Variants in PRH1 observed in about 807,000 individuals in gnomAD.
PRH1 encodes salivary acidic proline-rich phosphoprotein 1/2.
Under a neutral mutation model 7.9 loss-of-function variants are expected in PRH1, and 7 were observed. That is an observed-to-expected ratio of 0.89 (90% CI 0.50 to 1.67). The LOEUF is 1.67. Among genes scored for constraint, PRH1 ranks in the 40% most tolerant of loss-of-function variants. The pLI, the probability that PRH1 is intolerant of heterozygous loss-of-function variation, is 0.00. For synonymous variants in PRH1, 45 were observed against 80.8 expected, an observed-to-expected ratio of 0.56 and a Z score of 2.38; for missense variants, 109 against 223.6, an observed-to-expected ratio of 0.49 and a Z score of 3.27.
chr12:10,965,306 G>A, intron 2 of PRH1: 2 of 1,348,874 alleles, frequency 1.5e-6, no homozygotes, highest in Non-Finnish European at 2.0e-6. Flanking sequence ...AAGAACAAAT[G>A]TAACCACTAC....
intron 1 of PRH1, among the ~76,000 whole-genome samples, chr12:11,035,449 A>T (rs1942396811): frequency 6.6e-6 from 1 of 151,906 alleles, no homozygotes; most frequent in African/African-American, 2.4e-5. Context: ...AAAATTGATT[A>T]CTCTTTTTGT....
chr12:11,033,406 A>AAAACAAAACAAAAC (rs1565575869), intron 1 of PRH1, among the ~76,000 whole-genome samples: 19 of 145,676 alleles, frequency 1.3e-4, no homozygotes, highest in African/African-American at 5.0e-4. Context: ...CAAAACAAAA[A>AAAACAAAACAAAAC]ACCAACATCA....
chr12:10,921,885 G>A (rs1403595829), intron 2 of PRH1, among the ~76,000 whole-genome samples: 2 of 152,060 alleles, frequency 1.3e-5, no homozygotes, highest in African/African-American at 4.8e-5. Flanking sequence ...TTCCACCTCA[G>A]CCTCCCTAGT....
chr12:11,133,052 T>C (rs1592079369), intron 1 of PRH1: 2 of 451,980 alleles, frequency 4.4e-6, no homozygotes, highest in Non-Finnish European at 7.4e-6. Flanking sequence ...TCATATTTTC[T>C]ATAATTTGGC....
At chr12:11,041,927 A>T (rs541947142) in intron 1 of PRH1, among the ~76,000 whole-genome samples, 1 of 152,322 alleles carries the variant, frequency 6.6e-6, no homozygotes, top group East Asian at 1.9e-4. Context: ...TGCTAGAAAC[A>T]AATGATAGTG....
At chr12:11,141,265 A>C (rs1946694916) in intron 1 of PRH1, among the ~76,000 whole-genome samples, 1 of 152,278 alleles carries the variant, frequency 6.6e-6, no homozygotes, top group East Asian at 1.9e-4. Flanking sequence ...TTAATACTTA[A>C]ATATTTATTG....
intron 1 of PRH1, chr12:11,158,635 A>C (rs755452541): frequency 4.6e-5 from 7 of 152,226 alleles, no homozygotes; most frequent in Non-Finnish European, 1.0e-4. Context: ...AAATATGGTT[A>C]GTGAATATTT....
intron 1 of PRH1, among the ~76,000 whole-genome samples, chr12:11,157,396 G>A (rs1285471051): frequency 6.6e-6 from 1 of 152,092 alleles, no homozygotes; most frequent in Non-Finnish European, 1.5e-5. Context: ...TTAGACATGG[G>A]GCTTTGTGCC....
At chr12:11,016,560 G>T (rs143524431) in intron 1 of PRH1, among the ~76,000 whole-genome samples, 24 of 151,900 alleles carry the variant, frequency 1.6e-4, no homozygotes, top group Non-Finnish European at 3.5e-4. Context: ...AAGGTGGTCT[G>T]CAACTCTGGG....
At chr12:11,168,299 A>AG (rs1160833056) in intron 1 of PRH1, among the ~76,000 whole-genome samples, 2 of 5,890 alleles carry the variant, frequency 3.4e-4, no homozygotes, top group African/African-American at 1.0e-3. Context: ...AAAGAAAGAA[A>AG]GAAGGAAGGA....
intron 2 of PRH1, among the ~76,000 whole-genome samples, chr12:10,935,646 A>C (rs1172811185): frequency 1.3e-5 from 2 of 152,166 alleles, no homozygotes; most frequent in African/African-American, 4.8e-5. Context: ...ACCTCTGCTG[A>C]GCAACATCTG....
At chr12:11,070,910 C>T (rs1273660428) in intron 1 of PRH1, among the ~76,000 whole-genome samples, 1 of 152,134 alleles carries the variant, frequency 6.6e-6, no homozygotes, top group Non-Finnish European at 1.5e-5. Context: ...GATCATTACT[C>T]ACTACAGCCT....
At chr12:11,036,207 T>TAAACAGCATAAATTTAATTAAAC (rs528546942) in intron 1 of PRH1, among the ~76,000 whole-genome samples, 435 of 152,326 alleles carry the variant, frequency 2.9e-3, no homozygotes, top group Non-Finnish European at 3.8e-3. Flanking sequence ...CTGTTTTAAT[T>TAAACAGCATAAATTTAATTAAAC]AGCAGAAATC....
intron 1 of PRH1, among the ~76,000 whole-genome samples, chr12:11,076,079 A>AATATATATAT (rs139636107): frequency 1.8e-5 from 2 of 108,794 alleles, no homozygotes; most frequent in Admixed American, 9.4e-5. Context: ...ATGTGGATGT[A>AATATATATAT]ATATATATAT....
chr12:10,888,151 C>T (rs1436880142), upstream of PRH1, among the ~76,000 whole-genome samples: 1 of 152,142 alleles, frequency 6.6e-6, no homozygotes, highest in African/African-American at 2.4e-5. Context: ...CATCACGTCG[C>T]CCTTGCACTG....
At chr12:11,057,763 G>A (rs1483981416) in intron 1 of PRH1, among the ~76,000 whole-genome samples, 1 of 152,210 alleles carries the variant, frequency 6.6e-6, no homozygotes, top group Non-Finnish European at 1.5e-5. Context: ...CATAGCTTCT[G>A]GCACTTTTTA....
At chr12:11,124,049 A>C (rs945515576) in intron 1 of PRH1, among the ~76,000 whole-genome samples, 10 of 152,226 alleles carry the variant, frequency 6.6e-5, no homozygotes, top group African/African-American at 2.4e-4. Flanking sequence ...GAATAGAATA[A>C]AAGCTTCATC....
At chr12:10,993,901 A>G (rs906076626) in intron 1 of PRH1, among the ~76,000 whole-genome samples, 3 of 152,206 alleles carry the variant, frequency 2.0e-5, no homozygotes, top group African/African-American at 7.2e-5. Context: ...CCCCTAGCCA[A>G]TTAGTGCAAG....
At chr12:11,045,426 G>T (rs896804192) in intron 1 of PRH1, among the ~76,000 whole-genome samples, 8 of 151,968 alleles carry the variant, frequency 5.3e-5, no homozygotes, top group Non-Finnish European at 8.8e-5. Context: ...GACTGAAAGA[G>T]TATAACTGAA....
Sources: gnomAD v4.1 joint callset for allele counts (sites outside exome capture counted in the v4.1 genomes callset) on GRCh38, gnomAD v4.1.1 for gene constraint, MANE v1.5 for transcripts, NCBI Gene and HGNC (gene_info 2026-07-23, HGNC 2026-07-21) for gene names.